The following ACIN1 variants were observed in gnomAD, a reference collection of about 807,000 sequenced individuals.
ACIN1 encodes apoptotic chromatin condensation inducer 1.
In ACIN1, 16 loss-of-function variants were observed where a neutral mutation model predicts 146.6. The observed-to-expected ratio is 0.11, with a 90% CI of 0.07 to 0.17. The LOEUF is 0.17. Ranked by LOEUF, ACIN1 falls within the 10% of genes least tolerant of loss-of-function variation. ACIN1 has a pLI of 1.00. For missense variants in ACIN1, 1,357 were observed against 1,609.3 expected, an observed-to-expected ratio of 0.84 and a Z score of 2.68; for synonymous variants, 569 against 582.7, an observed-to-expected ratio of 0.98 and a Z score of 0.34.
At chr14:23,059,653 CTTTT>C (rs376703295) in intron 18 of ACIN1, among the ~76,000 whole-genome samples, 179 bp from the exon 19 acceptor site, 1 of 138,636 alleles carries the variant, frequency 7.2e-6, no homozygotes, top group Admixed American at 7.1e-5. Context: ...TAGTTTCAGC[CTTTT>C]TTTTTTTTTT....
At chr14:23,085,834 C>T (rs2048077879) in intron 4 of ACIN1, among the ~76,000 whole-genome samples, 2 of 152,096 alleles carry the variant, frequency 1.3e-5, no homozygotes, top group African/African-American at 2.4e-5. Context: ...AAGGGTGGAG[C>T]TGATACTGAT....
intron 2 of ACIN1, among the ~76,000 whole-genome samples, chr14:23,092,020 G>A (rs79597926): frequency 0.28 from 42,579 of 151,954 alleles, 6,226 homozygotes; most frequent in South Asian, 0.4. Flanking sequence ...TATCCATTCA[G>A]CATTTAGACA....
intron 6 of ACIN1, 30 bp downstream of exon 6, chr14:23,079,514 ACAT>A: frequency 6.2e-7 from 1 of 1,604,978 alleles, no homozygotes; most frequent in Non-Finnish European, 8.5e-7. Context: ...ATATGACAGA[ACAT>A]TAATACACCC....
At chr14:23,089,275 A>G (rs1234116453) in intron 4 of ACIN1, among the ~76,000 whole-genome samples, 1 of 152,016 alleles carries the variant, frequency 6.6e-6, no homozygotes, top group Non-Finnish European at 1.5e-5. Flanking sequence ...GCTGGTCTGG[A>G]ACTCCTGACC....
intron 8 of ACIN1, among the ~76,000 whole-genome samples, chr14:23,076,134 T>C (rs902067078): frequency 6.6e-6 from 1 of 152,186 alleles, no homozygotes; most frequent in African/African-American, 2.4e-5. Context: ...TGTTAATCAG[T>C]TGTGGTAGGG....
At chr14:23,062,058 G>T in intron 16 of ACIN1, 110 bp downstream of exon 16, 1 of 872,318 alleles carries the variant, frequency 1.1e-6, no homozygotes. Context: ...GGGAAGAAGA[G>T]AAAAGAACAG....
At chr14:23,069,652 G>GGGGCCCGCC in intron 8 of ACIN1, 35 bp from the exon 9 acceptor site, 1 of 577,972 alleles carries the variant, frequency 1.7e-6, no homozygotes, top group Non-Finnish European at 3.3e-6. Flanking sequence ...GGGGGGGCGG[G>GGGGCCCGCC]CAGAAAAGAA....
At chr14:23,092,082 C>T (rs1291186959) in intron 2 of ACIN1, among the ~76,000 whole-genome samples, 1 of 148,828 alleles carries the variant, frequency 6.7e-6, no homozygotes, top group Non-Finnish European at 1.5e-5. Flanking sequence ...GTAACAGGAG[C>T]TTATGCCTTT....
chr14:23,092,696 G>C (rs2048259247), intron 2 of ACIN1, among the ~76,000 whole-genome samples: 1 of 152,166 alleles, frequency 6.6e-6, no homozygotes, highest in African/African-American at 2.4e-5. Flanking sequence ...GAAACTTTAA[G>C]AGACTGTGCA....
chr14:23,088,285 G>A (rs1316103879), intron 4 of ACIN1, among the ~76,000 whole-genome samples: 3 of 152,100 alleles, frequency 2.0e-5, no homozygotes, highest in South Asian at 4.1e-4. Context: ...TACTACTCTC[G>A]TATTTCAGGA....
At chr14:23,061,052 C>G in intron 18 of ACIN1, 32 bp downstream of exon 18, 1 of 1,601,624 alleles carries the variant, frequency 6.2e-7, no homozygotes, top group Non-Finnish European at 8.5e-7. Flanking sequence ...CTCAGTGCCA[C>G]TAGGGAGCAG....
chr14:23,070,636 C>T (rs989353667), intron 8 of ACIN1, among the ~76,000 whole-genome samples: 1 of 152,192 alleles, frequency 6.6e-6, no homozygotes, highest in Non-Finnish European at 1.5e-5. Context: ...CTCACCCCCT[C>T]TACCACCCAA....
chr14:23,071,478 G>A (rs376368798), intron 8 of ACIN1: 22 of 1,551,642 alleles, frequency 1.4e-5, no homozygotes, highest in Admixed American at 2.0e-5. Context: ...GAGGAAGAGG[G>A]CCAGGCTGCT....
chr14:23,095,556 C>T (rs1454368317), upstream of ACIN1: 3 of 473,332 alleles, frequency 6.3e-6, no homozygotes, highest in South Asian at 5.5e-5. Flanking sequence ...TTGGAAGCTG[C>T]CGCAGTAGTT....
chr14:23,079,770 C>T lies in ACIN1; in HGVS notation c.1565G>A (p.Arg522Gln), dbSNP rs745811162. ...ACTGGAGGAGGAAGATGAGGAGGAC[C>T]GGCTAGAGGATGAATCAGCTGACTG... Reference protein sequence around the residue: ...LKQSADSSSSRSSSSSSSSSR... With the variant: ...LKQSADSSSSQSSSSSSSSSR... The change falls in exon 6 of 19, where the codon CGG becomes CAG. Residue 522 changes from arginine to glutamine, a missense_variant. Transcript: ENST00000605057. The T allele has an allele frequency of 7.3e-5, 118 of 1,613,946 alleles. No homozygotes were observed. Among genetic ancestry groups the T allele is most frequent in the Non-Finnish European group, 9.4e-5 (111 of 1,180,018 alleles).
rs1351979912 is a variant in ACIN1 at position 23,080,135 on chromosome 14, A to G, written c.1200T>C (p.Asp400=). The stretch of plus-strand genomic sequence containing the variant: ...ATACTAATAGCTCCCTGGTGTCAGC[A>G]TCTGTATTAGGAGGAGATAACTGAA... ...VLIQLSPPNT[D]ADTRELLVSQ... The change falls in exon 6 of 19, where the codon GAT becomes GAC. Residue 400 remains aspartate (D), a synonymous_variant. Coordinates refer to ENST00000605057, the MANE Select transcript of ACIN1 (RefSeq NM_001386863.1). The G allele has an allele frequency of 6.2e-7, 1 of 1,614,158 alleles. No individual in the cohort carries two copies. The highest frequency in any genetic ancestry group is 1.3e-5 in the African/African-American group (1 of 75,044).
At chr14:23,059,739 C>T (rs1456852621) in intron 18 of ACIN1, among the ~76,000 whole-genome samples, 2 of 151,578 alleles carry the variant, frequency 1.3e-5, no homozygotes, top group African/African-American at 4.9e-5. Flanking sequence ...CTGCAAGCTC[C>T]ACCTCCCGGG....
Position 23,062,974 on chromosome 14 carries a change from G to T in ACIN1, c.2838C>A (p.Ser946=), listed in dbSNP as rs747917401. The part of the protein sequence containing the change: ...DDPVRTAQVP[S]PPRGKISNIV... ...TGTTGCTAATCTTGCCCCGGGGTGG[G>T]GAGGGCACCTGGGCAGTTCGGACTG... is the stretch of plus-strand genomic sequence containing the variant. The change falls in exon 14 of 19, where the codon TCC becomes TCA. Residue 946 remains serine (S), a synonymous_variant. Coordinates refer to ENST00000605057, the MANE Select transcript of ACIN1 (RefSeq NM_001386863.1). The T allele has an allele frequency of 6.2e-7, 1 of 1,612,924 alleles. No homozygotes were observed. Among genetic ancestry groups the T allele is most frequent in the South Asian group, 1.1e-5 (1 of 90,770 alleles).
rs191688041 is a variant in ACIN1 at position 23,077,928 on chromosome 14, A to G, written c.2123+223T>C. ...AGGAGTTGACTATTTTGGCTGGATG[A>G]TCCCAGGTGAGTTTTCCTTGTGCCC... On this transcript the variant is annotated intron_variant, in intron 8 of 18. Transcript: ENST00000605057. The G allele has an allele frequency of 5.4e-4, 187 of 349,454 alleles. 1 individual carries two copies. The highest frequency in any genetic ancestry group is 1.7e-3 in the Admixed American group (39 of 22,518). 21.6% of individuals were successfully genotyped at this position (349,454 alleles called of 1,614,324 possible).
Sources: gnomAD v4.1 joint callset for allele counts (sites outside exome capture counted in the v4.1 genomes callset) on GRCh38, gnomAD v4.1.1 for gene constraint, MANE v1.5 for transcripts, NCBI Gene and HGNC (gene_info 2026-07-23, HGNC 2026-07-21) for gene names.